The following CNTNAP2 variants were observed in gnomAD, a reference collection of about 807,000 sequenced individuals.
CNTNAP2 encodes contactin-associated protein-like 2.
In CNTNAP2, 98 loss-of-function variants were observed where a neutral mutation model predicts 155.2. That is an observed-to-expected ratio of 0.63 (90% CI 0.54 to 0.75). The LOEUF is 0.75. CNTNAP2 is among the 30% of genes least tolerant of loss of function. CNTNAP2 has a pLI of 0.00. For synonymous variants in CNTNAP2, 651 were observed against 631.2 expected (o/e 1.03, Z -0.47); for missense variants, 1,727 against 1,688.1 (o/e 1.02, Z -0.40).
At chr7:147,638,506 G>C (rs28728281) in intron 12 of CNTNAP2, among the ~76,000 whole-genome samples, 16,047 of 152,228 alleles carry the variant, frequency 0.11, 1,079 homozygotes, top group Admixed American at 0.21. Context: ...TTTTCTCGCA[G>C]TGAAATTTTC....
rs73740837 is a variant in CNTNAP2, at chr7:146,730,475, T to G, written c.98-43796T>G. The stretch of plus-strand genomic sequence containing the variant: ...ACAGAATTGAGATCATGACGTTTTA[T>G]CTCAGTAACTTGATAGGCTTGTAAT... On this transcript the variant is annotated intron_variant, in intron 1 of 23. Transcript: ENST00000361727. Among the ~76,000 whole-genome samples, 899 of 152,290 alleles carry G rather than the reference T, an allele frequency of 5.9e-3. 10 individuals carry two copies. The highest frequency in any genetic ancestry group is 0.021 in the African/African-American group (863 of 41,564).
intron 21 of CNTNAP2, among the ~76,000 whole-genome samples, chr7:148,367,789 T>C (rs1798812924): frequency 6.6e-6 from 1 of 152,174 alleles, no homozygotes; most frequent in East Asian, 1.9e-4. Context: ...ACGCAACATG[T>C]CACCAAGAGA....
intron 18 of CNTNAP2, among the ~76,000 whole-genome samples, chr7:148,175,982 C>T (rs971399116): frequency 9.2e-5 from 14 of 152,038 alleles, no homozygotes; most frequent in Admixed American, 2.0e-4. Flanking sequence ...TCCCTCTCTC[C>T]CTTTCTTTTG....
At chr7:146,525,840 C>T (rs1169149963) in intron 1 of CNTNAP2, among the ~76,000 whole-genome samples, 1 of 152,082 alleles carries the variant, frequency 6.6e-6, no homozygotes, top group Non-Finnish European at 1.5e-5. Flanking sequence ...AGCTCCCTTA[C>T]CTCATCAGTG....
intron 1 of CNTNAP2, among the ~76,000 whole-genome samples, chr7:146,754,552 C>CTG (rs886550354): frequency 1.8e-5 from 2 of 113,276 alleles, no homozygotes; most frequent in African/African-American, 7.9e-5. Flanking sequence ...CTCTCTCTCT[C>CTG]TGTCTCTCTC....
At chr7:146,122,112 C>T (rs1163683012) in intron 1 of CNTNAP2, among the ~76,000 whole-genome samples, 1 of 152,170 alleles carries the variant, frequency 6.6e-6, no homozygotes, top group Non-Finnish European at 1.5e-5. Flanking sequence ...TCATTCGTTC[C>T]TTCCTATGTT....
chr7:147,235,847 G>A (rs2036120), intron 8 of CNTNAP2, among the ~76,000 whole-genome samples: 5 of 151,500 alleles, frequency 3.3e-5, no homozygotes, highest in African/African-American at 1.2e-4. Context: ...AGATGCCCGA[G>A]GGACTACATG....
At chr7:146,303,356 T>TGTA (rs1396426934) in intron 1 of CNTNAP2, among the ~76,000 whole-genome samples, 9 of 150,688 alleles carry the variant, frequency 6.0e-5, no homozygotes, top group Non-Finnish European at 1.3e-4. Context: ...CCTCCTCAGT[T>TGTA]TTTAAACCTT....
chr7:148,135,595 T>C (rs1804919931), intron 16 of CNTNAP2, among the ~76,000 whole-genome samples: 1 of 151,950 alleles, frequency 6.6e-6, no homozygotes, highest in African/African-American at 2.4e-5. Context: ...ATGCCTGTAA[T>C]CCCAGCACTT....
intron 3 of CNTNAP2, among the ~76,000 whole-genome samples, chr7:146,940,614 C>T (rs948074444): frequency 2.0e-5 from 3 of 151,838 alleles, no homozygotes; most frequent in Non-Finnish European, 4.4e-5. Context: ...CTCATGATAC[C>T]TTGTTGGCCA....
intron 3 of CNTNAP2, among the ~76,000 whole-genome samples, chr7:146,854,486 G>C (rs544055974): frequency 4.6e-5 from 7 of 152,238 alleles, no homozygotes; most frequent in Non-Finnish European, 8.8e-5. Flanking sequence ...ACTGTTATTG[G>C]AATAGCTCTC....
chr7:147,687,441 T>C (rs999467260), intron 13 of CNTNAP2, among the ~76,000 whole-genome samples: 1 of 152,020 alleles, frequency 6.6e-6, no homozygotes, highest in Non-Finnish European at 1.5e-5. Context: ...AGTAAGAAGC[T>C]GAGAATGAGA....
chr7:147,234,037 TAAA>T (rs397791358), intron 8 of CNTNAP2, among the ~76,000 whole-genome samples: 12 of 133,526 alleles, frequency 9.0e-5, no homozygotes, highest in Non-Finnish European at 1.1e-4. Context: ...CTATCCACAG[TAAA>T]AAAAAAAAAA....
chr7:146,538,905 C>G (rs1255742784), intron 1 of CNTNAP2, among the ~76,000 whole-genome samples: 1 of 151,994 alleles, frequency 6.6e-6, no homozygotes, highest in Non-Finnish European at 1.5e-5. Context: ...ATCAGTTGTA[C>G]AAGTGACATG....
At chr7:146,449,558 T>G (rs1313876267) in intron 1 of CNTNAP2, among the ~76,000 whole-genome samples, 1 of 152,168 alleles carries the variant, frequency 6.6e-6, no homozygotes, top group Non-Finnish European at 1.5e-5. Flanking sequence ...GGGCTGCAGT[T>G]CACAGAAAGA....
intron 15 of CNTNAP2, among the ~76,000 whole-genome samples, chr7:148,061,444 C>T (rs1585104070): frequency 6.6e-6 from 1 of 152,120 alleles, no homozygotes; most frequent in East Asian, 1.9e-4. Flanking sequence ...ACCTCCACCT[C>T]CCAGGTTCAA....
chr7:148,336,658 A>C (rs570695284), intron 21 of CNTNAP2, among the ~76,000 whole-genome samples: 8 of 152,262 alleles, frequency 5.3e-5, no homozygotes, highest in Admixed American at 1.3e-4. Context: ...CCCCCAGTCT[A>C]GAGCCATTAT....
chr7:147,924,154 T>TTTTTTTTTTG (rs1800339630), intron 14 of CNTNAP2, among the ~76,000 whole-genome samples: 1 of 149,758 alleles, frequency 6.7e-6, no homozygotes, highest in African/African-American at 2.5e-5. Context: ...TTTTTTTTTT[T>TTTTTTTTTTG]TTGAGACAGA....
chr7:147,930,193 A>C (rs1766716789), intron 14 of CNTNAP2, among the ~76,000 whole-genome samples: 1 of 152,186 alleles, frequency 6.6e-6, no homozygotes, highest in African/African-American at 2.4e-5. Context: ...ACAAACAAAC[A>C]AAAAAGGTTA....
Sources: gnomAD v4.1 joint callset for allele counts (sites outside exome capture counted in the v4.1 genomes callset) on GRCh38, gnomAD v4.1.1 for gene constraint, MANE v1.5 for transcripts, NCBI Gene and HGNC (gene_info 2026-07-23, HGNC 2026-07-21) for gene names.